SEPSECS: variants seen among roughly 807,000 people sequenced by gnomAD.
SEPSECS encodes the protein O-phosphoseryl-tRNA(Sec) selenium transferase.
In SEPSECS, 42 loss-of-function variants were observed where a neutral mutation model predicts 52.1. The ratio of observed to expected loss-of-function variants is 0.81; its 90% CI spans 0.63 to 1.04. SEPSECS has a LOEUF of 1.04. SEPSECS is among the 50% of genes least tolerant of loss of function. The pLI is 0.00. For synonymous variants in SEPSECS, 216 were observed against 211.4 expected, an observed-to-expected ratio of 1.02 and a Z score of -0.19; for missense variants, 590 against 610.6, an observed-to-expected ratio of 0.97 and a Z score of 0.36.
chr4:25,146,206 A>G (rs1197796995), intron 6 of SEPSECS, among the ~76,000 whole-genome samples: 1 of 152,172 alleles, frequency 6.6e-6, no homozygotes, highest in Non-Finnish European at 1.5e-5. Flanking sequence ...TTAATATTAT[A>G]ACCATATTTG....
intron 6 of SEPSECS, among the ~76,000 whole-genome samples, chr4:25,146,363 C>A (rs1281643027): frequency 6.6e-6 from 1 of 152,158 alleles, no homozygotes; most frequent in Non-Finnish European, 1.5e-5. Flanking sequence ...TACAACTGTT[C>A]AAATCTTAAC....
chr4:25,157,039 A>G, intron 2 of SEPSECS, 65 bp from the exon 3 acceptor site: 2 of 895,460 alleles, frequency 2.2e-6, no homozygotes, highest in Non-Finnish European at 3.8e-6. Flanking sequence ...ACAATGTACA[A>G]ATATGCAAAT....
chr4:25,145,373 A>G (rs545192887), intron 6 of SEPSECS, among the ~76,000 whole-genome samples: 3 of 152,366 alleles, frequency 2.0e-5, no homozygotes, highest in South Asian at 2.1e-4. Context: ...CATGGAAAAA[A>G]CAATTGAAAA....
intron 5 of SEPSECS, among the ~76,000 whole-genome samples, chr4:25,154,731 C>G (rs1334845056): frequency 6.6e-6 from 1 of 151,944 alleles, no homozygotes; most frequent in Non-Finnish European, 1.5e-5. Flanking sequence ...AGAAACAGGA[C>G]AAAGAGCAAG....
At chr4:25,159,495 C>T (rs1246502572) in intron 1 of SEPSECS, 2 of 376,330 alleles carry the variant, frequency 5.3e-6, no homozygotes, top group Non-Finnish European at 5.3e-6. Flanking sequence ...TGGCCACGCG[C>T]TGTAGCTCAC....
At chr4:25,124,315 A>G in intron 10 of SEPSECS, 90 bp from the exon 11 acceptor site, 1 of 1,228,744 alleles carries the variant, frequency 8.1e-7, no homozygotes, top group Non-Finnish European at 1.2e-6. Flanking sequence ...ACAAAGCCTT[A>G]CATCCACTTA....
intron 8 of SEPSECS, among the ~76,000 whole-genome samples, chr4:25,136,374 A>T (rs1013053952): frequency 1.1e-4 from 17 of 152,170 alleles, no homozygotes; most frequent in African/African-American, 3.4e-4. Flanking sequence ...TATAAAATCA[A>T]TGTGCAAAAA....
rs1471893777 is a variant in SEPSECS, at chr4:25,159,057, TAA to T, written c.163_164del (p.Leu55ThrfsTer2). Reference protein sequence around the residue: ...GWDESTLELFLHELAIMDSNN... With the variant: ...GWDESTLELFXHELAIMDSNN... ...TGCTGTCCATGATTGCAAGTTCATG[TAA>T]AAAGAGTTCAAGTGTACTTTCATCC... On this transcript the variant is annotated frameshift_variant, in exon 2 of 11. Transcript: ENST00000382103. LOFTEE classifies it high-confidence loss of function. 5 of 1,612,796 alleles carry T rather than the reference TAA, an allele frequency of 3.1e-6. No individual in the cohort carries two copies. The South Asian group carries it at 4.4e-5, about 14-fold the overall frequency.
chr4:25,159,543 T>G, intron 1 of SEPSECS: 1 of 424,100 alleles, frequency 2.4e-6, no homozygotes, highest in Non-Finnish European at 4.7e-6. Flanking sequence ...AGGCCAAGAA[T>G]GGCCGATCAC....
chr4:25,154,772 G>A (rs1024712154), intron 5 of SEPSECS, among the ~76,000 whole-genome samples: 6 of 152,144 alleles, frequency 3.9e-5, no homozygotes, highest in Admixed American at 3.3e-4. Flanking sequence ...CGACTCAGGT[G>A]ATAAAGGGAG....
intron 1 of SEPSECS, 197 bp downstream of exon 1, chr4:25,160,059 T>C (rs377375690): frequency 2.0e-6 from 2 of 985,214 alleles, no homozygotes; most frequent in Non-Finnish European, 2.4e-6. Flanking sequence ...AACAACACCA[T>C]TTGGCTTTCA....
chr4:25,159,756 A>T, intron 1 of SEPSECS: 1 of 1,028,324 alleles, frequency 9.7e-7, no homozygotes, highest in Non-Finnish European at 1.2e-6. Context: ...TGGGCGAAAG[A>T]GCGAGACTCT....
At chr4:25,135,096 C>T (rs1240904191) in intron 8 of SEPSECS, among the ~76,000 whole-genome samples, 2 of 152,052 alleles carry the variant, frequency 1.3e-5, no homozygotes, top group Admixed American at 6.6e-5. Context: ...TAAATGCTCA[C>T]ATCAAAAAGC....
At position 25,120,298 on chromosome 4, in the gene SEPSECS, T is replaced by A. The variant is rs940942535; in HGVS notation, c.*3633A>T. 3.9e-5 allele frequency: 6 copies of A among 152,054 alleles called. No homozygotes were observed. The highest frequency in any genetic ancestry group is 8.8e-5 in the Non-Finnish European group (6 of 67,982). 9.4% of individuals were successfully genotyped at this position (152,054 alleles called of 1,614,324 possible). On this transcript the variant is annotated 3_prime_UTR_variant, in exon 11 of 11. Transcript: ENST00000382103. ...TTAGCTTTAACTGCAGAGTAGTGAGTAGGAAATTACAAACATATATTCATT... is the reference window on the plus strand; with the variant it reads ...TTAGCTTTAACTGCAGAGTAGTGAGAAGGAAATTACAAACATATATTCATT...
chr4:25,134,524 G>T (rs1262388707), intron 8 of SEPSECS, among the ~76,000 whole-genome samples: 4 of 152,018 alleles, frequency 2.6e-5, no homozygotes, highest in African/African-American at 7.3e-5. Flanking sequence ...AAGAATAGAG[G>T]GATGGATGGC....
chr4:25,142,094 T>C (rs949016711), intron 8 of SEPSECS, among the ~76,000 whole-genome samples: 28 of 152,146 alleles, frequency 1.8e-4, no homozygotes, highest in African/African-American at 6.3e-4. Context: ...CTGGCCAACA[T>C]GGCAAAACCC....
At chr4:25,148,801 A>T (rs1712143141) in intron 6 of SEPSECS, among the ~76,000 whole-genome samples, 2 of 152,240 alleles carry the variant, frequency 1.3e-5, no homozygotes, top group Admixed American at 1.3e-4. Flanking sequence ...CACAATCTGT[A>T]CATGTATCAA....
At chr4:25,150,434 A>C (rs1370975541) in intron 6 of SEPSECS, among the ~76,000 whole-genome samples, 1 of 152,258 alleles carries the variant, frequency 6.6e-6, no homozygotes, top group Non-Finnish European at 1.5e-5. Flanking sequence ...AGCAGTGAAC[A>C]AAACAAAGTT....
chr4:25,155,464 T>A (rs1392305105), intron 4 of SEPSECS, among the ~76,000 whole-genome samples: 1 of 152,180 alleles, frequency 6.6e-6, no homozygotes, highest in South Asian at 2.1e-4. Context: ...TAGACACTGA[T>A]GACAAAAAGG....
Sources: gnomAD v4.1 joint callset for allele counts (sites outside exome capture counted in the v4.1 genomes callset) on GRCh38, gnomAD v4.1.1 for gene constraint, MANE v1.5 for transcripts, NCBI Gene and HGNC (gene_info 2026-07-23, HGNC 2026-07-21) for gene names.